CNTNAP3: variants seen among roughly 807,000 people sequenced by gnomAD.
CNTNAP3 encodes contactin-associated protein-like 3.
A neutral mutation model predicts 92.1 loss-of-function variants in CNTNAP3; 36 were observed. The ratio of observed to expected loss-of-function variants is 0.39; its 90% CI spans 0.30 to 0.52. The LOEUF (loss-of-function observed/expected upper bound fraction) is 0.52. Ranked by LOEUF, CNTNAP3 falls within the 20% of genes least tolerant of loss-of-function variation. CNTNAP3 has a pLI of 0.76. For synonymous variants in CNTNAP3, 232 were observed against 422.3 expected (o/e 0.55, Z 5.53); for missense variants, 534 against 1,069.6 (o/e 0.50, Z 6.98).
chr9:39,122,381 A>T (rs1259700100), intron 13 of CNTNAP3, among the ~76,000 whole-genome samples: 1 of 146,326 alleles, frequency 6.8e-6, no homozygotes, highest in Non-Finnish European at 1.5e-5. Flanking sequence ...TAAAAACATT[A>T]AAAAAAAATG....
intron 21 of CNTNAP3, among the ~76,000 whole-genome samples, chr9:39,082,969 T>C (rs1825980905): frequency 6.6e-6 from 1 of 152,032 alleles, no homozygotes; most frequent in South Asian, 2.1e-4. Context: ...TCAGGTAAAA[T>C]CAAATCCCAG....
chr9:39,073,094 T>C lies in CNTNAP3; in HGVS notation c.*796A>G, dbSNP rs1825664209. 6.5e-6 allele frequency: 1 copy of C among 153,072 alleles called. No individual in the cohort carries two copies. The highest frequency in any genetic ancestry group is 2.4e-5 in the African/African-American group (1 of 41,488). 9.5% of individuals were successfully genotyped at this position (153,072 alleles called of 1,614,324 possible). On this transcript the variant is annotated 3_prime_UTR_variant, in exon 24 of 24. Coordinates refer to ENST00000297668, the MANE Select transcript of CNTNAP3 (RefSeq NM_033655.5). ...CAGACAATCTTGTATTGACATCCTC[T>C]TGCATCTTGTTACCTACCAATGTTC...
intron 13 of CNTNAP3, among the ~76,000 whole-genome samples, chr9:39,131,023 A>C (rs1821280659): frequency 1.3e-5 from 2 of 152,094 alleles, no homozygotes; most frequent in Non-Finnish European, 1.5e-5. Flanking sequence ...AAAGAGGAGA[A>C]ATAGGGAAAT....
In CNTNAP3 at chr9:39,073,508, AAGT is replaced by A. The variant is rs1825674415; in HGVS notation, c.*379_*381del. Reference sequence around the variant, plus strand: ...AAAGTTCTGTCATTTTTAAAAAATAAAGTAGGGCCACAGCTTTATAGCCATTTT... The same window carrying A: ...AAAGTTCTGTCATTTTTAAAAAATAAAGGGCCACAGCTTTATAGCCATTTT... On this transcript the variant is annotated 3_prime_UTR_variant, in exon 24 of 24. Transcript: ENST00000297668. 4 of 279,658 alleles carry A rather than the reference AAGT, an allele frequency of 1.4e-5. No individual in the cohort carries two copies. The highest frequency in any genetic ancestry group is 2.7e-5 in the Non-Finnish European group (4 of 147,954). The allele number at this position is 279,658 out of a possible 1,614,324, so 17.3% of individuals were successfully genotyped here.
At chr9:39,130,328 T>C (rs1260269355) in intron 13 of CNTNAP3, among the ~76,000 whole-genome samples, 1 of 151,854 alleles carries the variant, frequency 6.6e-6, no homozygotes, top group African/African-American at 2.4e-5. Context: ...ATTACTGATA[T>C]ACACAATTAT....
Position 39,080,308 on chromosome 9 carries a change from C to A in CNTNAP3, c.3443-1388G>T, listed in dbSNP as rs1382758732. 2.9e-5 allele frequency among the ~76,000 whole-genome samples: 4 copies of A among 137,660 alleles called. 1 individual carries two copies. The highest frequency in any genetic ancestry group is 1.1e-4 in the African/African-American group (4 of 36,042). 90.3% of individuals were successfully genotyped at this position (137,660 alleles called of 152,430 possible). On this transcript the variant is annotated intron_variant, in intron 21 of 23. Transcript: ENST00000297668. ...TCACCTTTCTCATCCCTCTCACCACCCCGCAGGTGATGTCTGACAACACTG... is the reference window on the plus strand; with the variant it reads ...TCACCTTTCTCATCCCTCTCACCACACCGCAGGTGATGTCTGACAACACTG...
intron 9 of CNTNAP3, among the ~76,000 whole-genome samples, chr9:39,162,773 C>T (rs1822101561): frequency 6.9e-6 from 1 of 145,176 alleles, no homozygotes; most frequent in Admixed American, 6.8e-5. Context: ...ATTGAGTACC[C>T]ATGACACAAA....
chr9:39,091,170 T>TTTA (rs1826188733), intron 18 of CNTNAP3, among the ~76,000 whole-genome samples: 1 of 145,806 alleles, frequency 6.9e-6, no homozygotes, highest in Non-Finnish European at 1.5e-5. Flanking sequence ...TTTTTCTTCT[T>TTTA]CTTTTTTTTT....
chr9:39,141,687 T>C (rs867975142), intron 11 of CNTNAP3, among the ~76,000 whole-genome samples: 3 of 152,176 alleles, frequency 2.0e-5, no homozygotes, highest in African/African-American at 7.2e-5. Flanking sequence ...AATAGATACA[T>C]ATATTTGTAT....
intron 15 of CNTNAP3, among the ~76,000 whole-genome samples, chr9:39,107,698 GAGA>G (rs761200352): frequency 5.3e-5 from 8 of 152,100 alleles, no homozygotes; most frequent in Non-Finnish European, 8.8e-5. Context: ...GAATGCATAG[GAGA>G]AGGACAAAGA....
chr9:39,089,354 A>C (rs1164522092), intron 18 of CNTNAP3, among the ~76,000 whole-genome samples: 1 of 152,250 alleles, frequency 6.6e-6, no homozygotes, highest in African/African-American at 2.4e-5. Context: ...GGTATTTTCA[A>C]GGTTCATCCA....
In CNTNAP3 at chr9:39,140,577, A is replaced by T; in HGVS notation, c.1818T>A (p.Tyr606Ter). The T allele has an allele frequency of 6.2e-7, 1 of 1,613,808 alleles. No individual in the cohort carries two copies. The change falls in exon 12 of 24, where the codon TAT becomes TAA. Residue 606 changes from tyrosine to a stop codon, truncating the protein, a stop_gained. Transcript: ENST00000297668. LOFTEE classifies it high-confidence loss of function. ...GGGGGCCACTTCCATCTGCATCAAT[A>T]TAGTAAAGCCCAGACGGGTTCCCTC... ...KHRGNPSGLY[Y>*]IDADGSGPLG...
At chr9:39,093,484 AT>A (rs1164028823) in intron 18 of CNTNAP3, among the ~76,000 whole-genome samples, 1 of 151,262 alleles carries the variant, frequency 6.6e-6, no homozygotes, top group Non-Finnish European at 1.5e-5. Flanking sequence ...AAAATTTGTC[AT>A]CATCCCAAAA....
At chr9:39,122,312 G>A (rs191168441) in intron 13 of CNTNAP3, among the ~76,000 whole-genome samples, 437 of 152,228 alleles carry the variant, frequency 2.9e-3, no homozygotes, top group African/African-American at 9.8e-3. Context: ...CTGAGATGGC[G>A]CCACTGCACT....
rs181757485 is a variant in CNTNAP3, at chr9:39,121,321, A to T, written c.2081-3062T>A. 4.4e-3 allele frequency among the ~76,000 whole-genome samples: 671 copies of T among 151,708 alleles called. 4 individuals carry two copies. Among genetic ancestry groups the T allele is most frequent in the Middle Eastern group, 0.014 (4 of 294 alleles). The stretch of plus-strand genomic sequence containing the variant: ...GAACAGGGACATTACATAATGATTT[A>T]AAAAAAATCACCAGGAAGACATAAA... On this transcript the variant is annotated intron_variant, in intron 13 of 23. Coordinates refer to ENST00000297668, the MANE Select transcript of CNTNAP3 (RefSeq NM_033655.5).
chr9:39,083,771 A>G (rs1826002926), intron 21 of CNTNAP3, among the ~76,000 whole-genome samples: 1 of 152,184 alleles, frequency 6.6e-6, no homozygotes, highest in African/African-American at 2.4e-5. Context: ...ATCTTTACTG[A>G]ATTATAAAGT....
At position 39,067,888 on chromosome 9, in the gene CNTNAP3, C is replaced by G. The variant is rs2118327250; in HGVS notation, c.*6002G>C. ...CCCTATGAATATTCTACCTAATGCC[C>G]TATTAATTATGGGGATTTCTGGTAT... On this transcript the variant is annotated 3_prime_UTR_variant, in exon 24 of 24. Coordinates refer to ENST00000297668, the MANE Select transcript of CNTNAP3 (RefSeq NM_033655.5). 6.6e-6 allele frequency among the ~76,000 whole-genome samples: 1 copy of G among 152,426 alleles called. No individual in the cohort carries two copies. Among genetic ancestry groups the G allele is most frequent in the East Asian group, 1.9e-4 (1 of 5,194 alleles).
At position 39,067,377 on chromosome 9, in the gene CNTNAP3, G is replaced by C. The variant is rs1318056234; in HGVS notation, c.*6513C>G. 6.6e-6 allele frequency among the ~76,000 whole-genome samples: 1 copy of C among 152,304 alleles called. No individual in the cohort carries two copies. Among genetic ancestry groups the C allele is most frequent in the African/African-American group, 2.4e-5 (1 of 41,484 alleles). ...CTTGGTAATTTTTTATTGTATACCA[G>C]ACATTGTGATTTTACCTCGTTGGGT... On this transcript the variant is annotated 3_prime_UTR_variant, in exon 24 of 24. Transcript: ENST00000297668.
rs1554651866 is a variant in CNTNAP3 at position 39,161,695 on chromosome 9, T to TAAA, written c.1477+4235_1477+4237dup. Among the ~76,000 whole-genome samples, 118 of 127,666 alleles carry TAAA rather than the reference T, an allele frequency of 9.2e-4. 4 individuals are homozygous for TAAA. Among genetic ancestry groups the TAAA allele is most frequent in the South Asian group, 4.2e-3 (17 of 4,008 alleles). 83.8% of individuals were successfully genotyped at this position (127,666 alleles called of 152,430 possible). A position where few individuals can be genotyped will look rare whatever the true frequency, so the allele number is the denominator to read the frequency against. ...ATAATAATAATAATAATAATAATAA[T>TAAA]AAATTAGCTGGATGTGGTGGCACGT... On this transcript the variant is annotated intron_variant, in intron 9 of 23. Coordinates refer to ENST00000297668, the MANE Select transcript of CNTNAP3 (RefSeq NM_033655.5).
Sources: allele counts gnomAD v4.1 joint callset (sites outside exome capture counted in the v4.1 genomes callset), GRCh38; gene constraint gnomAD v4.1.1; transcripts MANE v1.5; gene names NCBI Gene and HGNC (gene_info 2026-07-23, HGNC 2026-07-21).